Variants in MACROD2 observed in about 807,000 individuals in gnomAD.
MACROD2 encodes ADP-ribose glycohydrolase MACROD2.
MACROD2 carries 36 observed loss-of-function variants against 70.4 expected under a neutral mutation model. The observed-to-expected ratio is 0.51, with a 90% confidence interval of 0.39 to 0.68. The LOEUF (loss-of-function observed/expected upper bound fraction) is 0.68, where lower values mean the gene tolerates loss of function less well. Among genes scored for constraint, MACROD2 ranks in the 30% least tolerant of loss-of-function variants. The pLI is 0.00. For missense variants in MACROD2, 496 were observed against 538.4 expected (o/e 0.92, Z 0.78); for synonymous variants, 172 against 178.8 (o/e 0.96, Z 0.30).
chr20:14,318,867 A>G (rs111496911), intron 3 of MACROD2, among the ~76,000 whole-genome samples: 147 of 152,122 alleles, frequency 9.7e-4, no homozygotes, highest in African/African-American at 3.3e-3. Context: ...TTGGGTTCCA[A>G]TTTCCCATGT....
intron 4 of MACROD2, among the ~76,000 whole-genome samples, chr20:14,649,772 T>C (rs184090275): frequency 2.1e-4 from 32 of 152,256 alleles, no homozygotes; most frequent in Middle Eastern, 3.4e-3. Context: ...GTGCTGGTTG[T>C]CAGATAAGAA....
intron 2 of MACROD2, among the ~76,000 whole-genome samples, chr20:14,024,751 A>C (rs976291873): frequency 1.3e-5 from 2 of 152,116 alleles, no homozygotes; most frequent in Non-Finnish European, 2.9e-5. Context: ...AAGCTTTTTG[A>C]TATGCTGCTG....
At chr20:15,796,482 T>G (rs2063675189) in intron 8 of MACROD2, among the ~76,000 whole-genome samples, 1 of 152,258 alleles carries the variant, frequency 6.6e-6, no homozygotes. Context: ...AGTATGCAAT[T>G]AAATAAAGAA....
intron 2 of MACROD2, among the ~76,000 whole-genome samples, chr20:14,079,548 A>C (rs1015316230): frequency 5.9e-5 from 9 of 152,174 alleles, no homozygotes; most frequent in African/African-American, 1.9e-4. Flanking sequence ...AAGAGATGAA[A>C]CATATTTTCT....
chr20:15,455,811 C>T (rs1459988003), intron 7 of MACROD2, among the ~76,000 whole-genome samples: 1 of 152,122 alleles, frequency 6.6e-6, no homozygotes, highest in Non-Finnish European at 1.5e-5. Flanking sequence ...TTACAACCTT[C>T]TAGATGCTGA....
Position 14,373,755 on chromosome 20 carries a change from A to G in MACROD2, c.272-119724A>G, listed in dbSNP as rs867049148. Among the ~76,000 whole-genome samples the G allele has an allele frequency of 5.4e-4, 82 of 152,308 alleles. No homozygotes were observed. The Middle Eastern group carries it at 0.014, about 25-fold the overall frequency. On this transcript the variant is annotated intron_variant, in intron 3 of 17. Transcript: ENST00000684519. Reference sequence around the variant, plus strand: ...GCTGCATTAATTATGCAGCGAGAGTACACCTAAATACAGGAGGTGCTCACA... The same window carrying G: ...GCTGCATTAATTATGCAGCGAGAGTGCACCTAAATACAGGAGGTGCTCACA...
intron 6 of MACROD2, among the ~76,000 whole-genome samples, chr20:15,338,377 C>T (rs2078071767): frequency 6.6e-6 from 1 of 151,616 alleles, no homozygotes; most frequent in South Asian, 2.1e-4. Flanking sequence ...GCTGCTAGCT[C>T]CCTCCCCAAG....
intron 3 of MACROD2, among the ~76,000 whole-genome samples, chr20:14,182,465 G>T (rs545318255): frequency 6.6e-6 from 1 of 152,060 alleles, no homozygotes; most frequent in Non-Finnish European, 1.5e-5. Context: ...TTGAAGCACA[G>T]AACTTATTAG....
chr20:15,544,013 G>A (rs957589982), intron 8 of MACROD2, among the ~76,000 whole-genome samples: 1 of 152,232 alleles, frequency 6.6e-6, no homozygotes, highest in African/African-American at 2.4e-5. Context: ...AGCATCAAGG[G>A]GCAGGGGAGG....
At chr20:15,735,199 A>AATCTG (rs2051002344) in intron 8 of MACROD2, among the ~76,000 whole-genome samples, 1 of 152,022 alleles carries the variant, frequency 6.6e-6, no homozygotes, top group South Asian at 2.1e-4. Flanking sequence ...GACCTCAAGC[A>AATCTG]ATCTGCTTGC....
chr20:14,180,341 T>C (rs2081296022), intron 3 of MACROD2, among the ~76,000 whole-genome samples: 1 of 152,204 alleles, frequency 6.6e-6, no homozygotes, highest in Admixed American at 6.5e-5. Flanking sequence ...TAGTTCATTA[T>C]GTAAATATTT....
At position 15,838,313 on chromosome 20, in the gene MACROD2, T is replaced by C. The variant is rs542948511; in HGVS notation, c.646-24432T>C. On this transcript the variant is annotated intron_variant, in intron 8 of 17. Coordinates refer to ENST00000684519, the MANE Select transcript of MACROD2 (RefSeq NM_001351661.2). ...CACATTACCAGGGAAGAGAAGGAAGTTGCTTTTATCCTAATAGTGATATTC... is the reference window on the plus strand; with the variant it reads ...CACATTACCAGGGAAGAGAAGGAAGCTGCTTTTATCCTAATAGTGATATTC... Among the ~76,000 whole-genome samples, 38 of 152,292 alleles carry C rather than the reference T, an allele frequency of 2.5e-4. No homozygotes were observed. In the Middle Eastern group the frequency reaches 0.01, roughly 41 times the overall value.
At chr20:15,772,708 A>G (rs892963603) in intron 8 of MACROD2, among the ~76,000 whole-genome samples, 1 of 152,098 alleles carries the variant, frequency 6.6e-6, no homozygotes, top group African/African-American at 2.4e-5. Flanking sequence ...GGCAAGAGAG[A>G]GAAGAAAGAA....
At chr20:14,070,855 A>C (rs950622133) in intron 2 of MACROD2, among the ~76,000 whole-genome samples, 20 of 152,292 alleles carry the variant, frequency 1.3e-4, no homozygotes, top group African/African-American at 4.8e-4. Flanking sequence ...AATATCTCCC[A>C]GCATCTTATT....
intron 5 of MACROD2, among the ~76,000 whole-genome samples, chr20:15,011,336 C>G (rs868177207): frequency 5.9e-5 from 9 of 151,496 alleles, no homozygotes; most frequent in Middle Eastern, 3.4e-3. Context: ...GTAAGAAATA[C>G]AGAGAGAGAG....
At chr20:14,016,953 A>G (rs2053001225) in intron 2 of MACROD2, among the ~76,000 whole-genome samples, 1 of 152,096 alleles carries the variant, frequency 6.6e-6, no homozygotes, top group Non-Finnish European at 1.5e-5. Context: ...TCATCTTCAC[A>G]ATATTTAGAG....
intron 6 of MACROD2, among the ~76,000 whole-genome samples, chr20:15,297,064 C>T (rs1031280941): frequency 1.3e-5 from 2 of 152,152 alleles, no homozygotes; most frequent in Non-Finnish European, 2.9e-5. Flanking sequence ...CAGTGCTGGG[C>T]GGCTTACACA....
intron 8 of MACROD2, among the ~76,000 whole-genome samples, chr20:15,794,037 A>G (rs574170130): frequency 6.6e-6 from 1 of 151,720 alleles, no homozygotes; most frequent in South Asian, 2.1e-4. Context: ...AACAGCTATC[A>G]TAGAGAACCA....
At chr20:14,337,726 A>G (rs978608672) in intron 3 of MACROD2, 1 of 391,220 alleles carries the variant, frequency 2.6e-6, no homozygotes, top group Non-Finnish European at 4.5e-6. Flanking sequence ...AGGTAACTGG[A>G]TAATCAGACA....
Sources: gnomAD v4.1 joint callset for allele counts (sites outside exome capture counted in the v4.1 genomes callset) on GRCh38, gnomAD v4.1.1 for gene constraint, MANE v1.5 for transcripts, NCBI Gene and HGNC (gene_info 2026-07-23, HGNC 2026-07-21) for gene names.